Variants in LSM5 observed in about 807,000 individuals in gnomAD.
LSM5 encodes the protein U6 snRNA-associated Sm-like protein LSm5.
LSM5 carries 8 observed loss-of-function variants against 13.8 expected under a neutral mutation model. The ratio of observed to expected loss-of-function variants is 0.58; its 90% CI spans 0.34 to 1.04. The LOEUF (loss-of-function observed/expected upper bound fraction) is 1.04. Among genes scored for constraint, LSM5 ranks in the 50% least tolerant of loss-of-function variants. LSM5 has a pLI of 0.03. For synonymous variants in LSM5, 35 were observed against 37.0 expected (o/e 0.95, Z 0.20); for missense variants, 80 against 108.1 (o/e 0.74, Z 1.15).
At chr7:32,487,997 A>G in intron 3 of LSM5, 1 of 435,884 alleles carries the variant, frequency 2.3e-6, no homozygotes, top group East Asian at 4.3e-5. Context: ...CTTCATAAAA[A>G]GAAGTGAAAG....
intron 3 of LSM5, chr7:32,487,971 C>T (rs993077261): frequency 1.7e-5 from 8 of 477,384 alleles, no homozygotes; most frequent in South Asian, 9.7e-5. Flanking sequence ...CTAAGACCCA[C>T]GTCTATCAGA....
chr7:32,488,590 G>A lies in LSM5; in HGVS notation c.170+35C>T, dbSNP rs774379123. The A allele has an allele frequency of 2.0e-6, 3 of 1,468,320 alleles. No homozygotes were observed. In the South Asian group the frequency reaches 3.5e-5, roughly 17 times the overall value. The allele number at this position is 1,468,320 out of a possible 1,614,324, so 91.0% of individuals were successfully genotyped here. The stretch of plus-strand genomic sequence containing the variant: ...AAGTAGTAAAACTGTCTTTAATTAA[G>A]AAGAGATTCCCCCCAATTCTTTAAC... On this transcript the variant is annotated intron_variant, in intron 3 of 4. Transcript: ENST00000450169.
chr7:32,490,184 T>G (rs745307254), intron 1 of LSM5, 136 bp downstream of exon 1: 2 of 1,565,332 alleles, frequency 1.3e-6, no homozygotes, highest in Non-Finnish European at 1.7e-6. Context: ...TCGCGAAGAC[T>G]TGGAGCTCAG....
chr7:32,489,671 C>G (rs921416639), intron 1 of LSM5: 1 of 307,584 alleles, frequency 3.3e-6, no homozygotes, highest in African/African-American at 2.3e-5. Flanking sequence ...CTTCCCTTTC[C>G]CAACTCTGTC....
At chr7:32,488,923 T>C (rs1054112922) in intron 2 of LSM5, among the ~76,000 whole-genome samples, 1 of 151,960 alleles carries the variant, frequency 6.6e-6, no homozygotes, top group South Asian at 2.1e-4. Context: ...CAGGGTTTCA[T>C]CATCTTGCCC....
At chr7:32,489,485 C>T (rs922248741) in intron 1 of LSM5, 141 bp from the exon 2 acceptor site, 3 of 616,644 alleles carry the variant, frequency 4.9e-6, no homozygotes, top group East Asian at 3.0e-5. Flanking sequence ...TAATACAAAT[C>T]TCAGTTCAAG....
upstream of LSM5, among the ~76,000 whole-genome samples, chr7:32,494,583 A>T (rs1279668457): frequency 1.3e-5 from 2 of 152,230 alleles, no homozygotes; most frequent in Admixed American, 1.3e-4. Context: ...CCTATCCTTT[A>T]GGTTATTTGA....
At chr7:32,487,650 T>G (rs745687521) in intron 4 of LSM5, 35 bp downstream of exon 4, 3 of 1,140,254 alleles carry the variant, frequency 2.6e-6, no homozygotes, top group East Asian at 4.7e-5. Context: ...AAAAATGGGC[T>G]CCCATCAAAA....
In LSM5 at chr7:32,487,911, C is replaced by T. The variant is rs1423041163; in HGVS notation, c.171-154G>A. The T allele has an allele frequency of 5.2e-6, 3 of 573,316 alleles. No individual in the cohort carries two copies. In the Admixed American group the frequency reaches 9.0e-5, roughly 17 times the overall value. 35.5% of individuals were successfully genotyped at this position (573,316 alleles called of 1,614,324 possible). A position where few individuals can be genotyped will look rare whatever the true frequency, so the allele number is the denominator to read the frequency against. ...ACAATTTTCAGATACAAAGGTTATCCACTAGGTAATGTAACCTTCATTAAA... is the reference window on the plus strand; with the variant it reads ...ACAATTTTCAGATACAAAGGTTATCTACTAGGTAATGTAACCTTCATTAAA... On this transcript the variant is annotated intron_variant, in intron 3 of 4. Coordinates refer to ENST00000450169, the MANE Select transcript of LSM5 (RefSeq NM_012322.3).
intron 4 of LSM5, 194 bp downstream of exon 4, chr7:32,487,491 A>C: frequency 1.5e-6 from 1 of 663,564 alleles, no homozygotes; most frequent in Non-Finnish European, 2.7e-6. Flanking sequence ...AGTTCCAAGC[A>C]AACTAACCTT....
In LSM5 at chr7:32,489,263, A is replaced by C. The variant is rs887257139; in HGVS notation, c.128T>G (p.Phe43Cys). 1.3e-6 allele frequency: 2 copies of C among 1,593,058 alleles called. No homozygotes were observed. The highest frequency in any genetic ancestry group is 1.3e-5 in the African/African-American group (1 of 74,432). The change falls in exon 2 of 5, where the codon TTT becomes TGT. Residue 43 changes from phenylalanine (F) to cysteine (C), a missense_variant. By Grantham distance (205) the Phe-to-Cys change is radical (BLOSUM62 -2). Transcript: ENST00000450169. Reference sequence around the variant, plus strand: ...TAAAAGGATACTGACAAAGTCATCAAATCCTAGAAGAGTACCAACAATTTC... The same window carrying C: ...TAAAAGGATACTGACAAAGTCATCACATCCTAGAAGAGTACCAACAATTTC... ...DKEIVGTLLG[F>C]DDFVNMVLED...
upstream of LSM5, among the ~76,000 whole-genome samples, chr7:32,491,753 C>A (rs1329450855): frequency 6.6e-6 from 1 of 152,120 alleles, no homozygotes; most frequent in African/African-American, 2.4e-5. Context: ...GGCACATAGC[C>A]CTTTTAAACA....
intron 1 of LSM5, chr7:32,489,992 C>G: frequency 7.8e-7 from 1 of 1,278,342 alleles, no homozygotes. Flanking sequence ...ATCTGGGGAT[C>G]GTAAACGCCA....
chr7:32,488,172 G>C (rs1786492124), intron 3 of LSM5: 1 of 208,948 alleles, frequency 4.8e-6, no homozygotes, highest in African/African-American at 2.4e-5. Context: ...AGAGCAGCTA[G>C]GACTACAGCT....
At position 32,489,273 on chromosome 7, in the gene LSM5, G is replaced by A. The variant is rs139262165; in HGVS notation, c.118C>T (p.Leu40Phe). ...MKSDKEIVGT[L>F]LGFDDFVNMV... Reference sequence around the variant, plus strand: ...CTGACAAAGTCATCAAATCCTAGAAGAGTACCAACAATTTCCTTATCACTC... The same window carrying A: ...CTGACAAAGTCATCAAATCCTAGAAAAGTACCAACAATTTCCTTATCACTC... Residue 40 changes from leucine to phenylalanine, a missense_variant, in exon 2 of 5, where the codon CTT (leucine) becomes TTT (phenylalanine). Coordinates refer to ENST00000450169, the MANE Select transcript of LSM5 (RefSeq NM_012322.3). 6.2e-7 allele frequency: 1 copy of A among 1,602,310 alleles called. No individual in the cohort carries two copies. Among genetic ancestry groups the A allele is most frequent in the African/African-American group, 1.3e-5 (1 of 74,572 alleles).
At position 32,490,348 on chromosome 7, in the gene LSM5, AGTAGCGTTAGCC is replaced by A; in HGVS notation, c.6_17del (p.Ala3_Thr6del). 1 of 1,614,128 alleles carries A rather than the reference AGTAGCGTTAGCC, an allele frequency of 6.2e-7. No homozygotes were observed. The highest frequency in any genetic ancestry group is 8.5e-7 in the Non-Finnish European group (1 of 1,179,960). Reference sequence around the variant, plus strand: ...AGGGCAGCAGCTGCGACGGGTTGGTAGTAGCGTTAGCCGCCATGGCTACGCCGGAAGTGGCCT... The same window carrying A: ...AGGGCAGCAGCTGCGACGGGTTGGTAGCCATGGCTACGCCGGAAGTGGCCT... On this transcript the variant is annotated inframe_deletion, in exon 1 of 5. Coordinates refer to ENST00000450169, the MANE Select transcript of LSM5 (RefSeq NM_012322.3).
chr7:32,493,141 T>C (rs1786629145), upstream of LSM5, among the ~76,000 whole-genome samples: 1 of 152,176 alleles, frequency 6.6e-6, no homozygotes, highest in Non-Finnish European at 1.5e-5. Flanking sequence ...CATCATATTT[T>C]ATTTATTAAT....
At chr7:32,490,450 C>T (rs1379681100), upstream of LSM5, 6 of 1,145,000 alleles carry the variant, frequency 5.2e-6, no homozygotes, top group African/African-American at 7.6e-5. Context: ...CCCAAACAGG[C>T]TCGACCAATC....
At chr7:32,487,435 T>A (rs1786474544) in intron 4 of LSM5, 142 bp from the exon 5 acceptor site, 2 of 708,384 alleles carry the variant, frequency 2.8e-6, no homozygotes, top group Non-Finnish European at 5.0e-6. Flanking sequence ...CTATTTACAA[T>A]TCCCAACGTC....
Sources: allele counts gnomAD v4.1 joint callset (sites outside exome capture counted in the v4.1 genomes callset), GRCh38; gene constraint gnomAD v4.1.1; transcripts MANE v1.5; gene names NCBI Gene and HGNC (gene_info 2026-07-23, HGNC 2026-07-21).